The following PXDNL variants were observed in gnomAD, a reference collection of about 807,000 sequenced individuals.
PXDNL encodes peroxidasin like, also known as probable oxidoreductase PXDNL.
In PXDNL, 145 loss-of-function variants were observed where a neutral mutation model predicts 150.8. The observed-to-expected ratio is 0.96, with a 90% CI of 0.84 to 1.10. PXDNL has a LOEUF of 1.10. Among genes scored for constraint, PXDNL ranks in the 50% least tolerant of loss-of-function variants. The probability of loss-of-function intolerance (pLI) is 0.00; values close to 1 mark genes in which losing one functional copy is unlikely to be tolerated. For missense variants in PXDNL, 2,087 were observed against 1,873.9 expected, an observed-to-expected ratio of 1.11 and a Z score of -2.10; for synonymous variants, 757 against 725.7, an observed-to-expected ratio of 1.04 and a Z score of -0.69.
chr8:51,720,063 C>A (rs181878072), intron 1 of PXDNL, among the ~76,000 whole-genome samples: 19 of 151,990 alleles, frequency 1.3e-4, no homozygotes, highest in Non-Finnish European at 1.8e-4. Context: ...GTAAGTGAGG[C>A]ATTAATTTGA....
rs1563401421 is a variant in PXDNL, at chr8:51,413,141, A to G, written c.1904+9T>C. ...ACAAGGTTTCAATCTGTGTAAAATA[A>G]ATTCTTACTGTGAAAACAAATGTCT... is the stretch of plus-strand genomic sequence containing the variant. On this transcript the variant is annotated intron_variant, in intron 15 of 22. Transcript: ENST00000356297. 1 of 1,491,058 alleles carries G rather than the reference A, an allele frequency of 6.7e-7. No homozygotes were observed. The highest frequency in any genetic ancestry group is 1.7e-5 in the Admixed American group (1 of 59,704). 92.4% of individuals were successfully genotyped at this position (1,491,058 alleles called of 1,614,324 possible).
intron 8 of PXDNL, among the ~76,000 whole-genome samples, chr8:51,459,209 C>T (rs1008080883): frequency 1.3e-5 from 2 of 152,208 alleles, no homozygotes; most frequent in Non-Finnish European, 2.9e-5. Flanking sequence ...GCAGGCAGAT[C>T]GCCTGAGGTC....
intron 1 of PXDNL, among the ~76,000 whole-genome samples, chr8:51,658,344 GA>G (rs34771782): frequency 0.53 from 50,215 of 94,546 alleles, 10,780 homozygotes; most frequent in South Asian, 0.63. Context: ...CCTGTCTCAA[GA>G]AAAAAAAAAA....
At chr8:51,507,021 T>C (rs573498356) in intron 4 of PXDNL, among the ~76,000 whole-genome samples, 2 of 152,334 alleles carry the variant, frequency 1.3e-5, no homozygotes, top group East Asian at 3.9e-4. Context: ...TGACTGCTTG[T>C]GTCAGATGTA....
intron 12 of PXDNL, among the ~76,000 whole-genome samples, chr8:51,443,807 T>C (rs1809608905): frequency 1.3e-5 from 2 of 152,208 alleles, no homozygotes; most frequent in South Asian, 2.1e-4. Context: ...TTCAAAAGTA[T>C]AGGAGTATTT....
At position 51,360,923 on chromosome 8, in the gene PXDNL, T is replaced by C. The variant is rs376324498; in HGVS notation, c.3901+10950A>G. On this transcript the variant is annotated intron_variant, in intron 19 of 22. Coordinates refer to ENST00000356297, the MANE Select transcript of PXDNL (RefSeq NM_144651.5). ...CTCTGAGCCTACTCTGGCTCAGGAGTCTTCTTAATTCACAAATCATTCTTT... is the reference window on the plus strand; with the variant it reads ...CTCTGAGCCTACTCTGGCTCAGGAGCCTTCTTAATTCACAAATCATTCTTT... Among the ~76,000 whole-genome samples the C allele has an allele frequency of 5.7e-4, 87 of 152,246 alleles. 1 individual carries two copies. The highest frequency in any genetic ancestry group is 1.9e-3 in the African/African-American group (81 of 41,542).
intron 4 of PXDNL, among the ~76,000 whole-genome samples, chr8:51,522,144 G>A (rs1811676084): frequency 6.6e-6 from 1 of 152,130 alleles, no homozygotes; most frequent in Non-Finnish European, 1.5e-5. Flanking sequence ...AGGAAATACA[G>A]TGCAAACTTT....
At chr8:51,731,615 C>A (rs1002737456) in intron 1 of PXDNL, among the ~76,000 whole-genome samples, 1 of 152,256 alleles carries the variant, frequency 6.6e-6, no homozygotes, top group Non-Finnish European at 1.5e-5. Flanking sequence ...TTTGCACTGT[C>A]CTAGCAGAGG....
intron 4 of PXDNL, among the ~76,000 whole-genome samples, chr8:51,541,545 C>G (rs73586753): frequency 0.033 from 5,079 of 152,194 alleles, 279 homozygotes; most frequent in African/African-American, 0.12. Flanking sequence ...TTTCTAGCCA[C>G]AAGTAGTTTC....
intron 16 of PXDNL, among the ~76,000 whole-genome samples, chr8:51,410,806 C>CA (rs1267440028): frequency 4.6e-5 from 7 of 151,618 alleles, no homozygotes; most frequent in Non-Finnish European, 1.0e-4. Context: ...ACAACAACAA[C>CA]AAAAAAACAA....
rs375100920 is a variant in PXDNL at position 51,458,506 on chromosome 8, C to T, written c.813-839G>A. Among the ~76,000 whole-genome samples, 9 of 151,996 alleles carry T rather than the reference C, an allele frequency of 5.9e-5. No homozygotes were observed. The South Asian group carries it at 8.3e-4, about 14-fold the overall frequency. On this transcript the variant is annotated intron_variant, in intron 8 of 22. Coordinates refer to ENST00000356297, the MANE Select transcript of PXDNL (RefSeq NM_144651.5). ...CATGTGTACACTTAGTACTAATGAACGTTTTAGGCATAGATAAAGGAAATC... is the reference window on the plus strand; with the variant it reads ...CATGTGTACACTTAGTACTAATGAATGTTTTAGGCATAGATAAAGGAAATC...
chr8:51,536,123 T>C (rs1812071778), intron 4 of PXDNL, among the ~76,000 whole-genome samples: 1 of 152,224 alleles, frequency 6.6e-6, no homozygotes, highest in Non-Finnish European at 1.5e-5. Context: ...TCTCGGGACC[T>C]GAAATTTTCC....
intron 17 of PXDNL, among the ~76,000 whole-genome samples, chr8:51,394,237 A>AT (rs1189985032): frequency 6.6e-6 from 1 of 152,230 alleles, no homozygotes; most frequent in Non-Finnish European, 1.5e-5. Context: ...ATGAGAGGTG[A>AT]TATATGTCAC....
intron 1 of PXDNL, among the ~76,000 whole-genome samples, chr8:51,723,301 T>C (rs1479683981): frequency 6.6e-6 from 1 of 152,206 alleles, no homozygotes; most frequent in Non-Finnish European, 1.5e-5. Context: ...CAAATGGACC[T>C]GGATTCAAAT....
rs191983262 is a variant in PXDNL, at chr8:51,678,731, G to T, written c.165-23971C>A. Among the ~76,000 whole-genome samples, 14 of 152,086 alleles carry T rather than the reference G, an allele frequency of 9.2e-5. No homozygotes were observed. In the East Asian group the frequency reaches 2.5e-3, roughly 27 times the overall value. Reference sequence around the variant, plus strand: ...GGGGACTGTTGTGGGGTGGCGGGGTGGGGGAGGGATAGCATTGGGATATAT... The same window carrying T: ...GGGGACTGTTGTGGGGTGGCGGGGTTGGGGAGGGATAGCATTGGGATATAT... On this transcript the variant is annotated intron_variant, in intron 1 of 22. Coordinates refer to ENST00000356297, the MANE Select transcript of PXDNL (RefSeq NM_144651.5).
At chr8:51,345,627 A>G (rs1287864035) in intron 20 of PXDNL, among the ~76,000 whole-genome samples, 2 of 152,182 alleles carry the variant, frequency 1.3e-5, no homozygotes, top group African/African-American at 2.4e-5. Context: ...ATTCATTGCC[A>G]AATACGCTCT....
At chr8:51,365,126 T>C (rs547007250) in intron 19 of PXDNL, among the ~76,000 whole-genome samples, 50 of 152,132 alleles carry the variant, frequency 3.3e-4, no homozygotes, top group African/African-American at 1.2e-3. Context: ...TTAGTAGAGA[T>C]GGGGTTTTAC....
At chr8:51,773,540 A>ACCTTCTAGAATTCCACGAC (rs2037322033) in intron 1 of PXDNL, among the ~76,000 whole-genome samples, 1 of 152,180 alleles carries the variant, frequency 6.6e-6, no homozygotes, top group East Asian at 1.9e-4. Context: ...AATAGCCCAA[A>ACCTTCTAGAATTCCACGAC]CACCTTCTAG....
intron 1 of PXDNL, among the ~76,000 whole-genome samples, chr8:51,791,238 T>C (rs1447401951): frequency 6.6e-6 from 1 of 152,228 alleles, no homozygotes; most frequent in Non-Finnish European, 1.5e-5. Context: ...AGGCAAAGCC[T>C]AAGCTTGCTA....
Sources: gnomAD v4.1 joint callset for allele counts (sites outside exome capture counted in the v4.1 genomes callset) on GRCh38, gnomAD v4.1.1 for gene constraint, MANE v1.5 for transcripts, NCBI Gene and HGNC (gene_info 2026-07-23, HGNC 2026-07-21) for gene names.